Variants in FOXP1 observed in about 807,000 individuals in gnomAD.
FOXP1 encodes forkhead box protein P1.
Under a neutral mutation model 98.2 loss-of-function variants are expected in FOXP1, and 15 were observed. The observed-to-expected ratio is 0.15, with a 90% CI of 0.10 to 0.24. The LOEUF (loss-of-function observed/expected upper bound fraction) is 0.24. Ranked by LOEUF, FOXP1 falls within the 10% of genes least tolerant of loss-of-function variation. FOXP1 has a pLI of 1.00. For synonymous variants in FOXP1, 371 were observed against 314.5 expected, an observed-to-expected ratio of 1.18 and a Z score of -1.90; for missense variants, 633 against 848.5, an observed-to-expected ratio of 0.75 and a Z score of 3.15.
chr3:71,160,016 T>G (rs2061053490), intron 6 of FOXP1, among the ~76,000 whole-genome samples: 1 of 152,158 alleles, frequency 6.6e-6, no homozygotes, highest in South Asian at 2.1e-4. Context: ...TCTGTTCACT[T>G]CCTTCAAGAA....
intron 11 of FOXP1, among the ~76,000 whole-genome samples, chr3:71,032,334 A>G (rs546083722): frequency 2.6e-5 from 4 of 152,256 alleles, no homozygotes; most frequent in Non-Finnish European, 5.9e-5. Flanking sequence ...AGTACACACA[A>G]AAAGGAAAAT....
At chr3:71,409,902 C>T (rs190942889) in intron 3 of FOXP1, among the ~76,000 whole-genome samples, 88 of 152,254 alleles carry the variant, frequency 5.8e-4, no homozygotes, top group Non-Finnish European at 1.2e-3. Flanking sequence ...GTAGTCTCAG[C>T]TACCTGGAAG....
chr3:71,290,106 C>A (rs1413833540), intron 5 of FOXP1: 1 of 152,218 alleles, frequency 6.6e-6, no homozygotes, highest in Non-Finnish European at 1.5e-5. Flanking sequence ...GTGCATAGCT[C>A]AAACCTCCCA....
chr3:71,490,798 G>A (rs977505604), intron 3 of FOXP1, among the ~76,000 whole-genome samples: 6 of 152,072 alleles, frequency 3.9e-5, no homozygotes, highest in Admixed American at 3.9e-4. Context: ...CCATTCATGT[G>A]GTTTTGTTAA....
intron 2 of FOXP1, among the ~76,000 whole-genome samples, chr3:71,520,906 T>G (rs1304940905): frequency 6.6e-6 from 1 of 152,002 alleles, no homozygotes; most frequent in Admixed American, 6.6e-5. Flanking sequence ...GCAGCACATA[T>G]GCAAATGAAT....
At chr3:71,404,120 C>CTTTTTTTTTTTTTTTTTTTTTTT (rs869086663) in intron 3 of FOXP1, among the ~76,000 whole-genome samples, 2 of 62,702 alleles carry the variant, frequency 3.2e-5, no homozygotes, top group African/African-American at 6.4e-5. Context: ...TTTTCTTTTT[C>CTTTTTTTTTTTTTTTTTTTTTTT]TTTTTTTTTT....
chr3:71,367,172 G>A (rs1422092922), intron 3 of FOXP1, among the ~76,000 whole-genome samples: 1 of 152,196 alleles, frequency 6.6e-6, no homozygotes, highest in Non-Finnish European at 1.5e-5. Context: ...CTTCTGTGCA[G>A]AAGGAGGGAG....
chr3:71,143,527 T>C (rs1426777343), intron 6 of FOXP1, among the ~76,000 whole-genome samples: 2 of 152,188 alleles, frequency 1.3e-5, no homozygotes, highest in African/African-American at 4.8e-5. Context: ...TGCACCACAG[T>C]TTCCTCATAT....
rs534024098 is a variant in FOXP1 at position 70,986,972 on chromosome 3, T to C, written c.1146+1022A>G. On this transcript the variant is annotated intron_variant, in intron 14 of 20. Coordinates refer to ENST00000649528, the MANE Select transcript of FOXP1 (RefSeq NM_001349338.3). ...CATATATGGGTGTATGTTTGCTTTATTTATAGAAAAAAATCAGTCAAAACA... is the reference window on the plus strand; with the variant it reads ...CATATATGGGTGTATGTTTGCTTTACTTATAGAAAAAAATCAGTCAAAACA... Among the ~76,000 whole-genome samples, 32 of 152,344 alleles carry C rather than the reference T, an allele frequency of 2.1e-4. No homozygotes were observed. The South Asian group carries it at 6.6e-3, about 32-fold the overall frequency.
intron 2 of FOXP1, among the ~76,000 whole-genome samples, chr3:71,544,910 CAAAGA>C (rs2045235159): frequency 6.6e-6 from 1 of 151,330 alleles, no homozygotes; most frequent in Admixed American, 6.6e-5. Context: ...GCTTAGAAGG[CAAAGA>C]AAAGACAAAG....
chr3:71,083,964 C>T (rs1030602669), intron 7 of FOXP1, among the ~76,000 whole-genome samples: 2 of 152,144 alleles, frequency 1.3e-5, no homozygotes, highest in African/African-American at 4.8e-5. Context: ...CCTAGAAAAG[C>T]ACTGCCTGAG....
intron 20 of FOXP1, among the ~76,000 whole-genome samples, chr3:70,965,459 C>T (rs1053117486): frequency 1.3e-5 from 2 of 152,168 alleles, no homozygotes; most frequent in Non-Finnish European, 2.9e-5. Context: ...GGTAATAATG[C>T]TGCGGCGGCG....
chr3:71,509,475 C>T (rs1310062311), intron 2 of FOXP1, among the ~76,000 whole-genome samples: 1 of 152,152 alleles, frequency 6.6e-6, no homozygotes, highest in African/African-American at 2.4e-5. Flanking sequence ...ATTTAATTAT[C>T]TCTTTAAAGT....
In FOXP1 at chr3:70,957,227, G is replaced by A. The variant is rs2106818941; in HGVS notation, c.*2020C>T. On this transcript the variant is annotated 3_prime_UTR_variant, in exon 21 of 21. Transcript: ENST00000649528. ...TTGTGTCCTATTTTTATCTGCAGTA[G>A]CCCCATAAAATCTCTTTAAGAGAAT... 1 of 223,906 alleles carries A rather than the reference G, an allele frequency of 4.5e-6. No homozygotes were observed. The highest frequency in any genetic ancestry group is 6.5e-5 in the East Asian group (1 of 15,280). The allele number at this position is 223,906 out of a possible 1,614,324, so 13.9% of individuals were successfully genotyped here. A position where few individuals can be genotyped will look rare whatever the true frequency, so the allele number is the denominator to read the frequency against.
intron 4 of FOXP1, among the ~76,000 whole-genome samples, chr3:71,308,992 C>A (rs977537506): frequency 1.1e-4 from 16 of 152,090 alleles, no homozygotes; most frequent in African/African-American, 3.9e-4. Context: ...TACCAAATGT[C>A]AACGAAAACT....
chr3:71,577,017 T>G (rs891877636), intron 2 of FOXP1, among the ~76,000 whole-genome samples: 1 of 152,072 alleles, frequency 6.6e-6, no homozygotes, highest in African/African-American at 2.4e-5. Flanking sequence ...TGCAGAGACA[T>G]CCACAAGCCA....
At chr3:71,051,828 TATC>T (rs1373343538) in intron 9 of FOXP1, among the ~76,000 whole-genome samples, 2 of 152,144 alleles carry the variant, frequency 1.3e-5, no homozygotes, top group Non-Finnish European at 2.9e-5. Context: ...AGAAAGGCCT[TATC>T]ATTTATGGGA....
chr3:71,122,427 G>A lies in FOXP1; in HGVS notation c.181-9790C>T, dbSNP rs142170446. Among the ~76,000 whole-genome samples, 794 of 152,206 alleles carry A rather than the reference G, an allele frequency of 5.2e-3. 8 individuals carry two copies. Among genetic ancestry groups the A allele is most frequent in the African/African-American group, 0.019 (780 of 41,522 alleles). ...CTCACTACTGGCCAAATATTAGGAT[G>A]GGGGGGAATCCTAATATTCTCCATT... On this transcript the variant is annotated intron_variant, in intron 6 of 20. Transcript: ENST00000649528.
Position 71,564,017 on chromosome 3 carries a change from G to A in FOXP1, c.-298+17532C>T, listed in dbSNP as rs76622955. 6.5e-3 allele frequency among the ~76,000 whole-genome samples: 996 copies of A among 152,314 alleles called. 17 individuals carry two copies. The highest frequency in any genetic ancestry group is 0.023 in the African/African-American group (960 of 41,554). On this transcript the variant is annotated intron_variant, in intron 2 of 20. Coordinates refer to ENST00000649528, the MANE Select transcript of FOXP1 (RefSeq NM_001349338.3). ...TACCTGCTTGGCACCATTTGAATGA[G>A]GTTCCCTCAGGCCACTTAAGGTTTC...
Sources: allele counts gnomAD v4.1 joint callset (sites outside exome capture counted in the v4.1 genomes callset), GRCh38; gene constraint gnomAD v4.1.1; transcripts MANE v1.5; gene names NCBI Gene and HGNC (gene_info 2026-07-23, HGNC 2026-07-21).